The following NLRP2 variants were observed in gnomAD, a reference collection of about 807,000 sequenced individuals.
The protein encoded by NLRP2 is NLR family pyrin domain containing 2.
A neutral mutation model predicts 97.2 loss-of-function variants in NLRP2; 107 were observed. The ratio of observed to expected loss-of-function variants is 1.10; its 90% CI spans 0.94 to 1.29. The LOEUF is 1.29. Among genes scored for constraint, NLRP2 ranks in the 50% most tolerant of loss-of-function variants. The pLI, the probability that NLRP2 is intolerant of heterozygous loss-of-function variation, is 0.00. For synonymous variants in NLRP2, 663 were observed against 551.5 expected (o/e 1.20, Z -2.83); for missense variants, 1,495 against 1,330.3 (o/e 1.12, Z -1.93).
chr19:54,970,343 C>A, intron 2 of NLRP2, 48 bp downstream of exon 2: 1 of 1,606,952 alleles, frequency 6.2e-7, no homozygotes, highest in Non-Finnish European at 8.5e-7. Flanking sequence ...AGCAGGCGTC[C>A]TCTCCAGGAC....
chr19:54,987,813 C>T (rs369592203), intron 8 of NLRP2, among the ~76,000 whole-genome samples: 1 of 150,844 alleles, frequency 6.6e-6, no homozygotes, highest in South Asian at 2.1e-4. Flanking sequence ...GAGGCCAAGG[C>T]AGGTGGATCA....
chr19:54,985,410 G>A lies in NLRP2; in HGVS notation c.2201+193G>A, dbSNP rs11673596. 0.13 allele frequency among the ~76,000 whole-genome samples: 19,601 copies of A among 152,136 alleles called. 1,519 individuals are homozygous for A. Among genetic ancestry groups the A allele is most frequent in the East Asian group, 0.39 (2,044 of 5,178 alleles). On this transcript the variant is annotated intron_variant, in intron 7 of 12. Coordinates refer to ENST00000448584, the MANE Select transcript of NLRP2 (RefSeq NM_017852.5). ...TAATTTCTAGGGGCTGGGCATGGTG[G>A]TTCACACTTGTAATTCCAACACTTC...
Position 54,982,805 on chromosome 19 carries a change from G to A in NLRP2, c.1107G>A (p.Leu369=), listed in dbSNP as rs1485703314. ...AGGAGGACAGGAGGGCCTATTTCCT[G>A]AGACACTTTGGAGACGAGGACCAAG... ...FLEEDRRAYF[L]RHFGDEDQAM... The change falls in exon 6 of 13, where the codon CTG becomes CTA. Residue 369 remains leucine, a synonymous_variant. Coordinates refer to ENST00000448584, the MANE Select transcript of NLRP2 (RefSeq NM_017852.5). 1.2e-6 allele frequency: 2 copies of A among 1,613,978 alleles called. No individual in the cohort carries two copies. The highest frequency in any genetic ancestry group is 1.7e-6 in the Non-Finnish European group (2 of 1,179,990).
intron 3 of NLRP2, among the ~76,000 whole-genome samples, chr19:54,975,414 C>T (rs549291811): frequency 6.9e-6 from 1 of 144,832 alleles, no homozygotes; most frequent in East Asian, 2.2e-4. Context: ...AGCCATGACA[C>T]CTGGCCCTTA....
intron 12 of NLRP2, 114 bp from the exon 13 acceptor site, chr19:55,000,646 C>T (rs2073135864): frequency 3.9e-6 from 4 of 1,028,884 alleles, no homozygotes; most frequent in Non-Finnish European, 6.0e-6. Context: ...CTAGAATAAT[C>T]AGGAAAGGTG....
intron 8 of NLRP2, among the ~76,000 whole-genome samples, chr19:54,986,909 G>A (rs7252815): frequency 0.07 from 10,558 of 151,370 alleles, 425 homozygotes; most frequent in African/African-American, 0.1. Flanking sequence ...TTTTGAGATG[G>A]AGTCTCGCTC....
chr19:54,970,339 C>A (rs754060175), intron 2 of NLRP2, 44 bp downstream of exon 2: 1 of 1,608,004 alleles, frequency 6.2e-7, no homozygotes, highest in East Asian at 2.2e-5. Context: ...AGGAAGCAGG[C>A]GTCCTCTCCA....
chr19:54,976,935 C>T (rs1344113687), intron 3 of NLRP2: 1 of 387,326 alleles, frequency 2.6e-6, no homozygotes, highest in African/African-American at 2.2e-5. Context: ...TTGCCTCAGC[C>T]TCGCAAGTAG....
chr19:54,985,767 G>C (rs114416883), intron 7 of NLRP2, among the ~76,000 whole-genome samples: 1 of 147,566 alleles, frequency 6.8e-6, no homozygotes, highest in Admixed American at 6.7e-5. Context: ...GGCCCAAGGT[G>C]GGGGGATCAC....
intron 11 of NLRP2, among the ~76,000 whole-genome samples, chr19:54,994,735 C>G (rs542769429): frequency 6.6e-6 from 1 of 151,676 alleles, no homozygotes; most frequent in African/African-American, 2.4e-5. Flanking sequence ...TTCAGCTTCC[C>G]GAGTAGCTGG....
chr19:54,982,119 C>T, intron 5 of NLRP2, 43 bp from the exon 6 acceptor site: 1 of 1,612,784 alleles, frequency 6.2e-7, no homozygotes, highest in Non-Finnish European at 8.5e-7. Flanking sequence ...CTATGGGTAA[C>T]TGATTGCATC....
At chr19:54,979,880 G>A (rs985311988) in intron 4 of NLRP2, among the ~76,000 whole-genome samples, 11 of 151,858 alleles carry the variant, frequency 7.2e-5, no homozygotes, top group East Asian at 2.0e-4. Context: ...AGGTTCAAGC[G>A]ATTCTCCTGC....
chr19:54,971,672 T>A (rs1262318761), intron 2 of NLRP2, among the ~76,000 whole-genome samples: 1 of 152,150 alleles, frequency 6.6e-6, no homozygotes, highest in Non-Finnish European at 1.5e-5. Flanking sequence ...TGGGGTTGTT[T>A]GTTTTTTTCT....
At chr19:54,993,943 G>A (rs963454416) in intron 10 of NLRP2, 1 of 436,372 alleles carries the variant, frequency 2.3e-6, no homozygotes, top group Non-Finnish European at 4.2e-6. Context: ...CCCTTATCAC[G>A]TCACCTCCTG....
At chr19:54,988,853 C>T (rs1045525828) in intron 8 of NLRP2, among the ~76,000 whole-genome samples, 7 of 151,296 alleles carry the variant, frequency 4.6e-5, no homozygotes, top group Non-Finnish European at 8.8e-5. Flanking sequence ...ACACATTTTC[C>T]GGATGAACAG....
At chr19:54,987,758 C>T (rs1004890810) in intron 8 of NLRP2, among the ~76,000 whole-genome samples, 1 of 137,044 alleles carries the variant, frequency 7.3e-6, no homozygotes, top group Non-Finnish European at 1.6e-5. Flanking sequence ...AAAAAAAAAT[C>T]TTGGCTGGGT....
intron 10 of NLRP2, chr19:54,991,550 C>CA (rs34809658): frequency 0.22 from 29,405 of 135,876 alleles, 3,209 homozygotes; most frequent in African/African-American, 0.25. Flanking sequence ...AAGACTCTCT[C>CA]AAAAAAAAAA....
intron 12 of NLRP2, among the ~76,000 whole-genome samples, chr19:54,997,804 G>GC (rs1438324676): frequency 2.6e-5 from 4 of 150,994 alleles, no homozygotes; most frequent in African/African-American, 9.7e-5. Context: ...TGTTCCCCAG[G>GC]CTGGAGTCCA....
At chr19:54,990,350 T>C in intron 9 of NLRP2, 152 bp from the exon 10 acceptor site, 1 of 1,128,562 alleles carries the variant, frequency 8.9e-7, no homozygotes, top group Non-Finnish European at 1.3e-6. Flanking sequence ...TTTGTTCTTC[T>C]CTCATTCCTA....
Sources: allele counts gnomAD v4.1 joint callset (sites outside exome capture counted in the v4.1 genomes callset), GRCh38; gene constraint gnomAD v4.1.1; transcripts MANE v1.5; gene names NCBI Gene and HGNC (gene_info 2026-07-23, HGNC 2026-07-21).